The following GIMAP8 variants were observed in gnomAD, a reference collection of about 807,000 sequenced individuals.
GIMAP8 encodes the protein GTPase, IMAP family member 8.
Under a neutral mutation model 35.6 loss-of-function variants are expected in GIMAP8, and 29 were observed. That is an observed-to-expected ratio of 0.81 (90% CI 0.61 to 1.11). The LOEUF is 1.11. GIMAP8 is among the 50% of genes most tolerant of loss of function. The pLI is 0.00. For missense variants in GIMAP8, 811 were observed against 805.0 expected (o/e 1.01, Z -0.09); for synonymous variants, 335 against 308.7 (o/e 1.09, Z -0.89).
At chr7:150,458,070 T>C (rs1315492639) in intron 1 of GIMAP8, among the ~76,000 whole-genome samples, 1 of 152,238 alleles carries the variant, frequency 6.6e-6, no homozygotes. Flanking sequence ...TGTAAGGCAC[T>C]GAGCACTTTA....
chr7:150,460,890 A>G (rs542957876), intron 1 of GIMAP8, among the ~76,000 whole-genome samples: 37 of 152,320 alleles, frequency 2.4e-4, no homozygotes, highest in African/African-American at 8.7e-4. Flanking sequence ...TTGCATGTCA[A>G]CTTGGTGGCC....
At chr7:150,460,184 G>C (rs1265836214) in intron 1 of GIMAP8, among the ~76,000 whole-genome samples, 1 of 152,184 alleles carries the variant, frequency 6.6e-6, no homozygotes, top group Non-Finnish European at 1.5e-5. Flanking sequence ...GATGTCAGGG[G>C]TGGCTGGGGG....
chr7:150,473,337 C>G (rs181565642), intron 3 of GIMAP8, among the ~76,000 whole-genome samples: 1 of 151,924 alleles, frequency 6.6e-6, no homozygotes, highest in East Asian at 1.9e-4. Flanking sequence ...CAGCTTGATG[C>G]CTTTTTCTAT....
At chr7:150,461,052 C>T (rs6464066) in intron 1 of GIMAP8, among the ~76,000 whole-genome samples, 2,399 of 152,336 alleles carry the variant, frequency 0.016, 69 homozygotes, top group African/African-American at 0.056. Flanking sequence ...CTGCCAAAGG[C>T]TCCACACAAT....
intron 1 of GIMAP8, among the ~76,000 whole-genome samples, chr7:150,460,781 T>G (rs766855407): frequency 3.9e-5 from 6 of 152,220 alleles, no homozygotes; most frequent in Non-Finnish European, 8.8e-5. Flanking sequence ...TTCATGTAAC[T>G]TGTGCATTTA....
In GIMAP8 at chr7:150,477,952, G is replaced by T; in HGVS notation, c.*172G>T. ...GCTATTTGTAGATAAATAAATTGCA[G>T]GTGGGGGCGAATAGTAGGGTATTAT... is the stretch of plus-strand genomic sequence containing the variant. On this transcript the variant is annotated 3_prime_UTR_variant, in exon 5 of 5. Transcript: ENST00000307271. 1 of 595,110 alleles carries T rather than the reference G, an allele frequency of 1.7e-6. No individual in the cohort carries two copies. Among genetic ancestry groups the T allele is most frequent in the Non-Finnish European group, 3.0e-6 (1 of 336,256 alleles). 36.9% of individuals were successfully genotyped at this position (595,110 alleles called of 1,614,324 possible). A position where few individuals can be genotyped will look rare whatever the true frequency, so the allele number is the denominator to read the frequency against.
intron 2 of GIMAP8, among the ~76,000 whole-genome samples, 177 bp from the exon 3 acceptor site, chr7:150,470,652 G>A (rs2116610291): frequency 6.6e-6 from 1 of 151,802 alleles, no homozygotes; most frequent in South Asian, 2.1e-4. Flanking sequence ...TGCCATTGTG[G>A]ACAGGTCCAC....
intron 2 of GIMAP8, among the ~76,000 whole-genome samples, chr7:150,468,085 G>C (rs1802010871): frequency 6.6e-6 from 1 of 152,192 alleles, no homozygotes; most frequent in African/African-American, 2.4e-5. Context: ...TCCCCTTGGA[G>C]AGCCAAGAAA....
rs1482205460 is a variant in GIMAP8, at chr7:150,477,714, T to A, written c.1932T>A (p.Ile644=). ...PHTQENVSKL[I]KNVQEMSQAE... is the part of the protein sequence containing the mutation. The stretch of plus-strand genomic sequence containing the variant: ...CACAGGAGAACGTCAGCAAACTAAT[T>A]AAAAATGTCCAGGAAATGTCCCAAG... Residue 644 remains isoleucine, a synonymous_variant, in exon 5 of 5, where the codon ATT becomes ATA. Transcript: ENST00000307271. The A allele has an allele frequency of 4.3e-6, 7 of 1,613,674 alleles. No individual in the cohort carries two copies. Among genetic ancestry groups the A allele is most frequent in the Non-Finnish European group, 5.9e-6 (7 of 1,179,980 alleles).
At chr7:150,462,560 T>G (rs1801863662) in intron 1 of GIMAP8, among the ~76,000 whole-genome samples, 1 of 152,216 alleles carries the variant, frequency 6.6e-6, no homozygotes, top group Admixed American at 6.5e-5. Context: ...TTTGTTTGTA[T>G]GGGAAAGGCT....
chr7:150,457,256 A>G (rs755207227), intron 1 of GIMAP8, among the ~76,000 whole-genome samples: 4 of 152,236 alleles, frequency 2.6e-5, no homozygotes, highest in Non-Finnish European at 5.9e-5. Context: ...TGGTTTAGGA[A>G]CACCTCGAGC....
chr7:150,473,052 A>T (rs1055080332), intron 3 of GIMAP8, among the ~76,000 whole-genome samples: 1 of 152,194 alleles, frequency 6.6e-6, no homozygotes, highest in Non-Finnish European at 1.5e-5. Context: ...AAGTTTTCCA[A>T]GGCAATACAG....
intron 1 of GIMAP8, among the ~76,000 whole-genome samples, chr7:150,461,084 C>T (rs1353794119): frequency 6.6e-6 from 1 of 152,242 alleles, no homozygotes; most frequent in African/African-American, 2.4e-5. Flanking sequence ...GCTACTGATA[C>T]CTAAGCACCA....
intron 3 of GIMAP8, among the ~76,000 whole-genome samples, chr7:150,471,378 A>C (rs140587403): frequency 6.4e-4 from 97 of 152,374 alleles, no homozygotes; most frequent in African/African-American, 2.2e-3. Flanking sequence ...CAATGTGGAC[A>C]CACAAAACAA....
Position 150,466,803 on chromosome 7 carries a change from G to A in GIMAP8, c.105G>A (p.Val35=), listed in dbSNP as rs78247321. Residue 35 remains valine (V), a synonymous_variant, in exon 2 of 5, where the codon GTG becomes GTA. Coordinates refer to ENST00000307271, the MANE Select transcript of GIMAP8 (RefSeq NM_175571.4). ...ATGNAILGKH[V]FKSKFSDQTV... is the part of the protein sequence containing the mutation. ...GAAATGCCATTCTGGGCAAACATGT[G>A]TTCAAGTCCAAGTTCAGTGATCAGA... The A allele has an allele frequency of 1.6e-3, 2,506 of 1,614,252 alleles. 37 individuals carry two copies. The African/African-American group carries it at 0.027, about 17-fold the overall frequency.
intron 1 of GIMAP8, among the ~76,000 whole-genome samples, chr7:150,459,025 G>A (rs118033597): frequency 1.3e-5 from 2 of 152,266 alleles, no homozygotes; most frequent in East Asian, 3.9e-4. Context: ...TCATCAGTGA[G>A]CTCAGCTGGT....
At chr7:150,463,005 T>G (rs1398327639) in intron 1 of GIMAP8, among the ~76,000 whole-genome samples, 1 of 152,162 alleles carries the variant, frequency 6.6e-6, no homozygotes, top group Non-Finnish European at 1.5e-5. Flanking sequence ...GTGTCCCATA[T>G]GTCATATAGG....
chr7:150,456,720 G>A (rs866653533), intron 1 of GIMAP8, among the ~76,000 whole-genome samples: 1 of 152,212 alleles, frequency 6.6e-6, no homozygotes, highest in Non-Finnish European at 1.5e-5. Context: ...AGCATTTATA[G>A]TGGGCGATGT....
chr7:150,474,182 A>G lies in GIMAP8; in HGVS notation c.853A>G (p.Ser285Gly). 6.2e-7 allele frequency: 1 copy of G among 1,614,164 alleles called. No homozygotes were observed. Residue 285 changes from serine (S) to glycine (G), a missense_variant, in exon 4 of 5, where the codon AGC (serine) becomes GGC (glycine). By Grantham distance (56) the Ser-to-Gly change is moderately conservative. Transcript: ENST00000307271. The stretch of plus-strand genomic sequence containing the variant: ...ATTTAGTGAGCAGTCAGTAACCCAG[A>G]GCTTCTTGTCTGAGAGCAGAAGCTG... ...TGFSEQSVTQSFLSESRSWRK... is the reference protein window; with the variant it reads ...TGFSEQSVTQGFLSESRSWRK...
Sources: allele counts gnomAD v4.1 joint callset (sites outside exome capture counted in the v4.1 genomes callset), GRCh38; gene constraint gnomAD v4.1.1; transcripts MANE v1.5; gene names NCBI Gene and HGNC (gene_info 2026-07-23, HGNC 2026-07-21).